The following NEDD9 variants were observed in gnomAD, a reference collection of about 807,000 sequenced individuals.
The protein encoded by NEDD9 is enhancer of filamentation 1.
NEDD9 carries 26 observed loss-of-function variants against 76.6 expected under a neutral mutation model. The ratio of observed to expected loss-of-function variants is 0.34; its 90% confidence interval spans 0.25 to 0.47. The LOEUF (loss-of-function observed/expected upper bound fraction) is 0.47. Among genes scored for constraint, NEDD9 ranks in the 20% least tolerant of loss-of-function variants. The pLI, the probability that NEDD9 is intolerant of heterozygous loss-of-function variation, is 1.00. For synonymous variants in NEDD9, 392 were observed against 414.2 expected (o/e 0.95, Z 0.65); for missense variants, 937 against 1,058.5 (o/e 0.89, Z 1.59).
intron 3 of NEDD9, among the ~76,000 whole-genome samples, chr6:11,260,510 A>T (rs574074420): frequency 1.6e-4 from 24 of 152,244 alleles, no homozygotes; most frequent in Non-Finnish European, 3.4e-4. Context: ...GAGATGATGA[A>T]TGTAAAGCTA....
At chr6:11,224,507 G>A (rs1759245974) in intron 1 of NEDD9, among the ~76,000 whole-genome samples, 2 of 152,256 alleles carry the variant, frequency 1.3e-5, no homozygotes, top group South Asian at 4.1e-4. Flanking sequence ...TCAACATTTT[G>A]CTAGGCCAAT....
intron 3 of NEDD9, among the ~76,000 whole-genome samples, chr6:11,260,585 C>T (rs963029510): frequency 3.3e-5 from 5 of 152,200 alleles, no homozygotes; most frequent in Admixed American, 1.3e-4. Context: ...GATGACTTCT[C>T]ATCCCACCCG....
intron 2 of NEDD9, among the ~76,000 whole-genome samples, chr6:11,204,564 A>C (rs2113742337): frequency 6.6e-6 from 1 of 152,142 alleles, no homozygotes; most frequent in East Asian, 1.9e-4. Context: ...TACTAAAAAT[A>C]CAAAAATTAG....
chr6:11,359,847 G>C (rs1001691160), intron 1 of NEDD9, among the ~76,000 whole-genome samples: 1 of 152,214 alleles, frequency 6.6e-6, no homozygotes, highest in African/African-American at 2.4e-5. Context: ...TTTGTTGCCA[G>C]ATAGCAAGTC....
chr6:11,289,200 G>A (rs1760711642), intron 3 of NEDD9, among the ~76,000 whole-genome samples: 1 of 152,228 alleles, frequency 6.6e-6, no homozygotes, highest in South Asian at 2.1e-4. Flanking sequence ...AGCATGAAAA[G>A]AAGAGCTTGA....
intron 1 of NEDD9, chr6:11,352,185 A>G (rs902625618): frequency 6.6e-6 from 1 of 152,260 alleles, no homozygotes; most frequent in Non-Finnish European, 1.5e-5. Context: ...TTCAGGGTTA[A>G]CATGTCTAAT....
At chr6:11,297,911 CT>C (rs3067297) in intron 3 of NEDD9, among the ~76,000 whole-genome samples, 81 of 140,566 alleles carry the variant, frequency 5.8e-4, no homozygotes, top group Middle Eastern at 3.6e-3. Context: ...TTTTTCTTTT[CT>C]TTTTTTTTTT....
intron 2 of NEDD9, among the ~76,000 whole-genome samples, chr6:11,212,777 G>T (rs1284044145): frequency 1.3e-5 from 2 of 152,124 alleles, no homozygotes; most frequent in Non-Finnish European, 2.9e-5. Context: ...GAACGAGTTG[G>T]TCAGCATGAC....
Position 11,190,217 on chromosome 6 carries a change from G to A in NEDD9, c.1652C>T (p.Thr551Ile). 2 of 1,614,244 alleles carry A rather than the reference G, an allele frequency of 1.2e-6. No individual in the cohort carries two copies. Among genetic ancestry groups the A allele is most frequent in the Non-Finnish European group, 1.7e-6 (2 of 1,180,044 alleles). The change falls in exon 5 of 7, where the codon ACC becomes ATC. Residue 551 changes from threonine (T) to isoleucine (I), a missense_variant. Thr to Ile is a moderately conservative substitution (Grantham distance 89, BLOSUM62 -1). Transcript: ENST00000379446. The surrounding 1 kb of genome is among the most constrained non-coding windows in gnomAD (Gnocchi z 5.8). ...DAKQLTTTIN[T>I]NAEALFRPGP... ...GGGTCTGAAGAGGGCCTCTGCGTTG[G>A]TGTTGATGGTTGTGGTGAGCTGCTT...
At chr6:11,367,483 C>T (rs115863000) in intron 1 of NEDD9, among the ~76,000 whole-genome samples, 1,878 of 152,306 alleles carry the variant, frequency 0.012, 39 homozygotes, top group African/African-American at 0.043. Context: ...TGATCAGTCT[C>T]CCAATGCAGT....
intron 3 of NEDD9, among the ~76,000 whole-genome samples, chr6:11,275,565 C>CACACATATATATATAT (rs551632582): frequency 2.7e-5 from 4 of 150,184 alleles, no homozygotes; most frequent in Non-Finnish European, 4.4e-5. Context: ...CACACACACA[C>CACACATATATATATAT]ATATATATAT....
chr6:11,310,973 T>A (rs150239748), intron 2 of NEDD9, among the ~76,000 whole-genome samples: 1 of 152,274 alleles, frequency 6.6e-6, no homozygotes, highest in Non-Finnish European at 1.5e-5. Flanking sequence ...CCCAAGTGAA[T>A]CCCTCCACCT....
At chr6:11,220,528 A>C (rs1278530388) in intron 1 of NEDD9, among the ~76,000 whole-genome samples, 2 of 152,214 alleles carry the variant, frequency 1.3e-5, no homozygotes, top group African/African-American at 4.8e-5. Context: ...GCTGTGGGGC[A>C]GCGCCCTGTG....
At chr6:11,246,184 C>T (rs1759803216) in intron 3 of NEDD9, among the ~76,000 whole-genome samples, 1 of 152,138 alleles carries the variant, frequency 6.6e-6, no homozygotes, top group African/African-American at 2.4e-5. Context: ...CAAGAGGGAG[C>T]TTACAGAACA....
chr6:11,229,331 G>C (rs1470144972), intron 1 of NEDD9, among the ~76,000 whole-genome samples: 1 of 152,246 alleles, frequency 6.6e-6, no homozygotes, highest in Non-Finnish European at 1.5e-5. Context: ...AAGCGTCTCT[G>C]CTCAGCCATT....
intron 2 of NEDD9, among the ~76,000 whole-genome samples, chr6:11,306,787 A>G (rs1761196878): frequency 6.6e-6 from 1 of 152,188 alleles, no homozygotes; most frequent in Non-Finnish European, 1.5e-5. Flanking sequence ...GAGAAAAACT[A>G]GTGTTTTGGA....
rs547888536 is a variant in NEDD9, at chr6:11,269,586, CT to C, written c.12+36405del. Among the ~76,000 whole-genome samples, 3 of 152,188 alleles carry C rather than the reference CT, an allele frequency of 2.0e-5. No individual in the cohort carries two copies. The East Asian group carries it at 5.8e-4, about 29-fold the overall frequency. Reference sequence around the variant, plus strand: ...TGGGGCCATGCACTCAATTAAATAACTCTTTTTTTTTCTTTCTGGTGATTTC... The same window carrying C: ...TGGGGCCATGCACTCAATTAAATAACCTTTTTTTTTCTTTCTGGTGATTTC... On this transcript the variant is annotated intron_variant, in intron 3 of 3. Coordinates refer to the NEDD9 transcript ENST00000397378.
intron 3 of NEDD9, among the ~76,000 whole-genome samples, chr6:11,284,475 A>AGAATGGC (rs1390007856): frequency 6.6e-6 from 1 of 150,896 alleles, no homozygotes; most frequent in Non-Finnish European, 1.5e-5. Flanking sequence ...CTGAGGCAGG[A>AGAATGGC]GAATGGCGTG....
chr6:11,210,766 G>GGGGAGAGAGAGA (rs1554125281), intron 2 of NEDD9, among the ~76,000 whole-genome samples: 3 of 121,854 alleles, frequency 2.5e-5, no homozygotes, highest in African/African-American at 3.3e-5. Context: ...AGGGATGGGG[G>GGGGAGAGAGAGA]GAGAGAGAGA....
Sources: gnomAD v4.1 joint callset for allele counts (sites outside exome capture counted in the v4.1 genomes callset) on GRCh38, gnomAD v4.1.1 for gene constraint, Gnocchi (gnomAD v3.1) non-coding constraint, MANE v1.5 for transcripts, NCBI Gene and HGNC (gene_info 2026-07-23, HGNC 2026-07-21) for gene names.